Variants in PCDHGA2 observed in about 807,000 individuals in gnomAD.
PCDHGA2 encodes protocadherin gamma subfamily A, 2, also known as protocadherin gamma-A2.
Under a neutral mutation model 59.2 loss-of-function variants are expected in PCDHGA2, and 40 were observed. The observed-to-expected ratio is 0.68, with a 90% confidence interval of 0.52 to 0.88. The LOEUF is 0.88. PCDHGA2 is among the 40% of genes least tolerant of loss of function. The probability of loss-of-function intolerance (pLI) is 0.00; values close to 1 mark genes in which losing one functional copy is unlikely to be tolerated. For missense variants in PCDHGA2, 1,226 were observed against 1,204.0 expected (o/e 1.02, Z -0.27); for synonymous variants, 560 against 526.0 (o/e 1.06, Z -0.89).
chr5:141,392,892 G>C, intron 1 of PCDHGA2: 1 of 1,613,702 alleles, frequency 6.2e-7, no homozygotes, highest in East Asian at 2.2e-5. Flanking sequence ...GTGGGAAATC[G>C]GGAGGGGACA....
intron 1 of PCDHGA2, chr5:141,355,623 A>G: frequency 1.2e-6 from 2 of 1,613,994 alleles, no homozygotes; most frequent in Non-Finnish European, 1.7e-6. Context: ...GGGAAATAAA[A>G]GTTGCTGAAA....
rs148240637 is a variant in PCDHGA2, at chr5:141,383,750, T to A, written c.2424+42355T>A. On this transcript the variant is annotated intron_variant, in intron 1 of 3. Transcript: ENST00000394576. ...GAAGTGACATATTCTTTTCGGAAAA[T>A]AACTCCTAAACTTCCAAAGATGTTT... 1.9e-3 allele frequency: 3,008 copies of A among 1,613,910 alleles called. 48 individuals are homozygous for A. In the African/African-American group the frequency reaches 0.033, roughly 18 times the overall value.
At chr5:141,351,420 C>T (rs779349797) in intron 1 of PCDHGA2, 4 of 1,611,526 alleles carry the variant, frequency 2.5e-6, no homozygotes, top group Non-Finnish European at 3.4e-6. Flanking sequence ...GAAGAAGTTC[C>T]TTTCAAATTA....
chr5:141,372,325 T>A (rs1459758319), intron 1 of PCDHGA2: 1 of 1,613,556 alleles, frequency 6.2e-7, no homozygotes. Flanking sequence ...CGCCTGCTGG[T>A]CACTGTGCGT....
intron 1 of PCDHGA2, among the ~76,000 whole-genome samples, chr5:141,448,931 C>G (rs966398044): frequency 1.3e-5 from 2 of 152,040 alleles, no homozygotes; most frequent in African/African-American, 4.8e-5. Context: ...GGCGACAGAG[C>G]AAGACTGCAA....
chr5:141,423,213 C>A, intron 1 of PCDHGA2: 1 of 1,613,710 alleles, frequency 6.2e-7, no homozygotes, highest in Non-Finnish European at 8.5e-7. Flanking sequence ...TCACGCTCAC[C>A]GTGGCTGTGG....
In PCDHGA2 at chr5:141,398,540, T is replaced by C. The variant is rs372892054; in HGVS notation, c.2424+57145T>C. On this transcript the variant is annotated intron_variant, in intron 1 of 3. Transcript: ENST00000394576. The stretch of plus-strand genomic sequence containing the variant: ...ACGCCAAAATTCACGCAAAATTCCT[T>C]TGAGCTGCAAATAAGTGAGTCTGCA... 12 of 1,613,764 alleles carry C rather than the reference T, an allele frequency of 7.4e-6. No homozygotes were observed. The African/African-American group carries it at 1.2e-4, about 16-fold the overall frequency.
At chr5:141,382,968 CT>C (rs774014579) in intron 1 of PCDHGA2, 26 of 1,609,208 alleles carry the variant, frequency 1.6e-5, no homozygotes, top group Admixed American at 8.4e-5. Context: ...TGGGGACCCC[CT>C]GGGAAGCCTG....
intron 1 of PCDHGA2, chr5:141,371,923 G>A: frequency 2.5e-6 from 4 of 1,613,350 alleles, no homozygotes; most frequent in African/African-American, 1.3e-5. Flanking sequence ...GTGAGCGCGC[G>A]GAGCGGGGTG....
chr5:141,383,575 G>A (rs1229661535), intron 1 of PCDHGA2: 17 of 1,613,114 alleles, frequency 1.1e-5, no homozygotes, highest in Non-Finnish European at 1.4e-5. Context: ...ATCCAGCACC[G>A]CCCACATCCA....
chr5:141,347,309 C>T (rs1240783758), intron 1 of PCDHGA2, among the ~76,000 whole-genome samples: 4 of 151,880 alleles, frequency 2.6e-5, no homozygotes, highest in African/African-American at 9.7e-5. Flanking sequence ...ACGAGCCACC[C>T]TCCCAGCTAA....
At chr5:141,372,078 G>C in intron 1 of PCDHGA2, 1 of 1,613,738 alleles carries the variant, frequency 6.2e-7, no homozygotes. Context: ...TGCACCGCTG[G>C]TGCTGTACCC....
chr5:141,414,116 A>C (rs760214999), intron 1 of PCDHGA2: 2 of 1,592,434 alleles, frequency 1.3e-6, no homozygotes, highest in Non-Finnish European at 1.7e-6. Context: ...CTAGATTATG[A>C]AGAAACCGGT....
Position 141,486,775 on chromosome 5 carries a change from G to A in PCDHGA2, c.2425-8032G>A, listed in dbSNP as rs2099634725. On this transcript the variant is annotated intron_variant, in intron 1 of 3. Coordinates refer to ENST00000394576, the MANE Select transcript of PCDHGA2 (RefSeq NM_018915.4). This position sits in a 1 kb window ranked among gnomAD's most constrained non-coding sequence, Gnocchi z 5.0. ...AGCAAACCCAGACACTGCAGTTTGA[G>A]GTGCAGGCCCGGGATCGGGGCAACC... 7 of 1,614,122 alleles carry A rather than the reference G, an allele frequency of 4.3e-6. No individual in the cohort carries two copies. Among genetic ancestry groups the A allele is most frequent in the Non-Finnish European group, 5.9e-6 (7 of 1,180,060 alleles).
At chr5:141,352,821 C>T (rs1759119278) in intron 1 of PCDHGA2, 9 of 796,944 alleles carry the variant, frequency 1.1e-5, no homozygotes, top group Non-Finnish European at 1.6e-5. Context: ...AAAACCCGGT[C>T]TACTAAAATT....
intron 1 of PCDHGA2, among the ~76,000 whole-genome samples, chr5:141,446,323 A>G (rs1372501599): frequency 6.6e-6 from 1 of 152,216 alleles, no homozygotes. Flanking sequence ...GGGTTTCCAC[A>G]TTAAGGAACT....
chr5:141,511,695 C>A lies in PCDHGA2; in HGVS notation c.*522C>A, dbSNP rs1009832192. The A allele has an allele frequency of 9.7e-5, 19 of 195,544 alleles. No individual in the cohort carries two copies. The highest frequency in any genetic ancestry group is 1.7e-4 in the Non-Finnish European group (16 of 92,634). 12.1% of individuals were successfully genotyped at this position (195,544 alleles called of 1,614,324 possible). A position where few individuals can be genotyped will look rare whatever the true frequency, so the allele number is the denominator to read the frequency against. On this transcript the variant is annotated 3_prime_UTR_variant, in exon 4 of 4. Transcript: ENST00000394576. ...CTTCCCCCAAAGCATGGTTTGGTGC[C>A]AGCCCCTTCACCTCCTTCCAGAGCC...
chr5:141,355,461 G>C (rs769145045), intron 1 of PCDHGA2: 12 of 1,613,950 alleles, frequency 7.4e-6, no homozygotes, highest in Middle Eastern at 1.6e-4. Context: ...TGGTCACCGC[G>C]GGTAGGATAG....
At chr5:141,463,034 G>A (rs2099051345) in intron 1 of PCDHGA2, among the ~76,000 whole-genome samples, 2 of 152,112 alleles carry the variant, frequency 1.3e-5, no homozygotes, top group African/African-American at 4.8e-5. Flanking sequence ...ATTAATCTGA[G>A]TGTTCAGCAG....
Sources: allele counts gnomAD v4.1 joint callset (sites outside exome capture counted in the v4.1 genomes callset), GRCh38; gene constraint gnomAD v4.1.1; non-coding constraint Gnocchi (gnomAD v3.1); transcripts MANE v1.5; gene names NCBI Gene and HGNC (gene_info 2026-07-23, HGNC 2026-07-21).